The following CATSPER4 variants were observed in gnomAD, a reference collection of about 807,000 sequenced individuals.
The protein encoded by CATSPER4 is cation channel sperm associated 4.
CATSPER4 carries 46 observed loss-of-function variants against 54.4 expected under a neutral mutation model. That is an observed-to-expected ratio of 0.84 (90% CI 0.67 to 1.08). CATSPER4 has a LOEUF of 1.08. CATSPER4 is among the 50% of genes least tolerant of loss of function. The probability of loss-of-function intolerance (pLI) is 0.00; values close to 1 mark genes in which losing one functional copy is unlikely to be tolerated. For missense variants in CATSPER4, 574 were observed against 612.8 expected (o/e 0.94, Z 0.67); for synonymous variants, 230 against 231.9 (o/e 0.99, Z 0.08).
At position 26,190,876 on chromosome 1, in the gene CATSPER4, G is replaced by T. The variant is rs771727688; in HGVS notation, c.213+36G>T. On this transcript the variant is annotated intron_variant, in intron 1 of 9. Coordinates refer to ENST00000456354, the MANE Select transcript of CATSPER4 (RefSeq NM_198137.2). ...CTCTCGCCCCACAGTGGCCCCTTCT[G>T]CAGCTGTGCTCATGGGCAGCAGGCC... The T allele has an allele frequency of 2.6e-6, 4 of 1,562,152 alleles. No homozygotes were observed. In the East Asian group the frequency reaches 9.3e-5, roughly 36 times the overall value.
chr1:26,194,957 T>C (rs2088914480), intron 3 of CATSPER4, among the ~76,000 whole-genome samples: 1 of 152,090 alleles, frequency 6.6e-6, no homozygotes, highest in African/African-American at 2.4e-5. Context: ...TGGTGGCGCG[T>C]GCCTGTAATC....
intron 7 of CATSPER4, 99 bp from the exon 8 acceptor site, chr1:26,200,730 TG>T (rs1383432842): frequency 7.7e-6 from 7 of 913,390 alleles, no homozygotes; most frequent in Non-Finnish European, 1.3e-5. Context: ...CTTAGAACCC[TG>T]GGGTCCTAAG....
At chr1:26,192,310 C>T (rs925459544) in intron 2 of CATSPER4, among the ~76,000 whole-genome samples, 1 of 151,772 alleles carries the variant, frequency 6.6e-6, no homozygotes, top group Non-Finnish European at 1.5e-5. Context: ...TGTTTTTGAG[C>T]CAGGCGCAGT....
In CATSPER4 at chr1:26,201,513, G is replaced by A. The variant is rs1285723808; in HGVS notation, c.1359G>A (p.Met453Ile). Residue 453 changes from methionine to isoleucine, a missense_variant, in exon 9 of 10, where the codon ATG (methionine) becomes ATA (isoleucine). Coordinates refer to ENST00000456354, the MANE Select transcript of CATSPER4 (RefSeq NM_198137.2). ...ACTTGCTCAGTGCGCTCGTTAGCAT[G>A]GAAAAGGTGTGCCTTCCTTCTCCTA... ...QQDLLSALVS[M>I]EKVHDSSSQI... The A allele has an allele frequency of 6.2e-7, 1 of 1,612,212 alleles. No individual in the cohort carries two copies. The highest frequency in any genetic ancestry group is 1.3e-5 in the African/African-American group (1 of 74,870).
rs1208722187 is a variant in CATSPER4 at position 26,190,604 on chromosome 1, GGA to G, written c.-21_-20del. On this transcript the variant is annotated 5_prime_UTR_variant, in exon 1 of 10. Coordinates refer to ENST00000456354, the MANE Select transcript of CATSPER4 (RefSeq NM_198137.2). Reference sequence around the variant, plus strand: ...ACCACTTGGAGTGAAGATTCTTTGAGGAGAAGGAAGAGACTGAGCAAACATGA... The same window carrying G: ...ACCACTTGGAGTGAAGATTCTTTGAGGAAGGAAGAGACTGAGCAAACATGA... 6.3e-7 allele frequency: 1 copy of G among 1,591,280 alleles called. No homozygotes were observed.
chr1:26,191,299 A>C lies in CATSPER4; in HGVS notation c.226A>C (p.Met76Leu). Residue 76 changes from methionine to leucine, a missense_variant, in exon 2 of 10, where the codon ATG (methionine) becomes CTG (leucine). Transcript: ENST00000456354. ...TGCCCTCTTCCAGGACGCCTGGGAC[A>C]TGCAGGAGTTCATCACTCACATGTA... is the stretch of plus-strand genomic sequence containing the variant. Reference protein sequence around the residue: ...EITNKADAWDMQEFITHMYIK... With the variant: ...EITNKADAWDLQEFITHMYIK... The C allele has an allele frequency of 6.2e-7, 1 of 1,614,154 alleles. No individual in the cohort carries two copies. Among genetic ancestry groups the C allele is most frequent in the Non-Finnish European group, 8.5e-7 (1 of 1,180,032 alleles).
intron 8 of CATSPER4, 156 bp from the exon 9 acceptor site, chr1:26,201,198 C>A (rs889193226): frequency 1.4e-5 from 13 of 959,810 alleles, no homozygotes; most frequent in Non-Finnish European, 2.1e-5. Flanking sequence ...AATCCAGACT[C>A]CAGGTTCCTT....
Position 26,197,491 on chromosome 1 carries a change from G to A in CATSPER4, c.460-195G>A, listed in dbSNP as rs531581332. Among the ~76,000 whole-genome samples, 9 of 152,340 alleles carry A rather than the reference G, an allele frequency of 5.9e-5. No individual in the cohort carries two copies. In the South Asian group the frequency reaches 1.9e-3, roughly 32 times the overall value. On this transcript the variant is annotated intron_variant, in intron 3 of 9. Coordinates refer to ENST00000456354, the MANE Select transcript of CATSPER4 (RefSeq NM_198137.2). ...AGACTGCATTTGGCTATTGACACAT[G>A]TATGGGACAGAGAGTACACGTGTGT...
At chr1:26,201,171 A>G (rs2124530318) in intron 8 of CATSPER4, 130 bp downstream of exon 8, 1 of 949,510 alleles carries the variant, frequency 1.1e-6, no homozygotes, top group Non-Finnish European at 1.7e-6. Context: ...CCCCCACCCT[A>G]TTGGTGGAGG....
At chr1:26,194,588 G>A (rs938548726) in intron 3 of CATSPER4, among the ~76,000 whole-genome samples, 1 of 152,126 alleles carries the variant, frequency 6.6e-6, no homozygotes, top group Admixed American at 6.5e-5. Flanking sequence ...GAGCCTAACA[G>A]GGCAGGCATC....
chr1:26,199,073 G>A (rs527423006), intron 6 of CATSPER4, among the ~76,000 whole-genome samples: 36 of 152,266 alleles, frequency 2.4e-4, no homozygotes, highest in African/African-American at 6.5e-4. Context: ...TTGGGAGGCC[G>A]AGGTGGGCAG....
chr1:26,200,094 G>C lies in CATSPER4; in HGVS notation c.987+36G>C, dbSNP rs148203233. 289 of 1,597,428 alleles carry C rather than the reference G, an allele frequency of 1.8e-4. 6 individuals carry two copies. In the East Asian group the frequency reaches 6.5e-3, roughly 36 times the overall value. On this transcript the variant is annotated intron_variant, in intron 7 of 9. Transcript: ENST00000456354. ...TGGGGAGGGCAGAAGGGAGGAAAAG[G>C]AGTGTGTATGAGAGCGGACTTGAAC...
At chr1:26,195,448 AAG>A (rs1355508731) in intron 3 of CATSPER4, among the ~76,000 whole-genome samples, 12 of 152,130 alleles carry the variant, frequency 7.9e-5, no homozygotes, top group Admixed American at 6.5e-4. Context: ...GACAGGAAGA[AAG>A]AGAGAGAGTG....
At position 26,201,450 on chromosome 1, in the gene CATSPER4, G is replaced by C; in HGVS notation, c.1296G>C (p.Thr432=). 2 of 1,613,848 alleles carry C rather than the reference G, an allele frequency of 1.2e-6. No individual in the cohort carries two copies. The change falls in exon 9 of 10, where the codon ACG becomes ACC. Residue 432 remains threonine (T), a synonymous_variant. Transcript: ENST00000456354. ...RSSTSGSLET[T]SSKDIRQMSQ... is the part of the protein sequence containing the mutation. Reference sequence around the variant, plus strand: ...CGACGAGCGGGTCGTTGGAGACTACGTCATCCAAGGACATCCGCCAGATGT... The same window carrying C: ...CGACGAGCGGGTCGTTGGAGACTACCTCATCCAAGGACATCCGCCAGATGT...
intron 2 of CATSPER4, among the ~76,000 whole-genome samples, 177 bp from the exon 3 acceptor site, chr1:26,193,610 C>G (rs1308326706): frequency 6.6e-6 from 1 of 152,190 alleles, no homozygotes; most frequent in Non-Finnish European, 1.5e-5. Flanking sequence ...AGCCCCAGCA[C>G]AGTGCCTGGC....
chr1:26,201,549 A>C lies in CATSPER4; in HGVS notation c.1365+30A>C, dbSNP rs374357473. ...GCCTTCCTTCTCCTACCCAATGGGT[A>C]CTCGCCCTGACACTCTGCTCAGCCC... is the stretch of plus-strand genomic sequence containing the variant. On this transcript the variant is annotated intron_variant, in intron 9 of 9. Coordinates refer to ENST00000456354, the MANE Select transcript of CATSPER4 (RefSeq NM_198137.2). 1.9e-6 allele frequency: 3 copies of C among 1,610,920 alleles called. No homozygotes were observed. The African/African-American group carries it at 4.0e-5, about 22-fold the overall frequency.
intron 2 of CATSPER4, among the ~76,000 whole-genome samples, chr1:26,192,084 G>T (rs527794879): frequency 1.3e-5 from 2 of 151,902 alleles, no homozygotes; most frequent in Admixed American, 6.6e-5. Context: ...ACTTCTCTGT[G>T]TCCAACTTGA....
At chr1:26,201,645 A>G in intron 9 of CATSPER4, 126 bp downstream of exon 9, 2 of 727,598 alleles carry the variant, frequency 2.7e-6, no homozygotes, top group African/African-American at 2.0e-5. Flanking sequence ...CCTCACCACC[A>G]CCACCCCTCC....
intron 3 of CATSPER4, among the ~76,000 whole-genome samples, chr1:26,197,152 T>C (rs74835839): frequency 0.17 from 26,470 of 151,858 alleles, 2,443 homozygotes; most frequent in Middle Eastern, 0.24. Flanking sequence ...GTGATCCACC[T>C]GCCTCAGACT....
Sources: allele counts gnomAD v4.1 joint callset (sites outside exome capture counted in the v4.1 genomes callset), GRCh38; gene constraint gnomAD v4.1.1; transcripts MANE v1.5; gene names NCBI Gene and HGNC (gene_info 2026-07-23, HGNC 2026-07-21).